C2orf76: variants seen among roughly 807,000 people sequenced by gnomAD.
C2orf76 encodes UPF0538 protein C2orf76.
Under a neutral mutation model 16.9 loss-of-function variants are expected in C2orf76, and 23 were observed. That is an observed-to-expected ratio of 1.36 (90% CI 0.98 to 1.93). The LOEUF (loss-of-function observed/expected upper bound fraction) is 1.93, where lower values mean the gene tolerates loss of function less well. Ranked by LOEUF, C2orf76 falls within the 30% of genes most tolerant of loss-of-function variation. The probability of loss-of-function intolerance (pLI) is 0.00; values close to 1 mark genes in which losing one functional copy is unlikely to be tolerated. For synonymous variants in C2orf76, 48 were observed against 52.3 expected, an observed-to-expected ratio of 0.92 and a Z score of 0.35; for missense variants, 152 against 152.6, an observed-to-expected ratio of 1.00 and a Z score of 0.02.
intron 2 of C2orf76, among the ~76,000 whole-genome samples, chr2:119,332,409 A>T (rs2104587638): frequency 6.6e-6 from 1 of 152,324 alleles, no homozygotes; most frequent in South Asian, 2.1e-4. Flanking sequence ...TGATGGTAAG[A>T]TTCAAAGGTT....
At chr2:119,364,196 G>A (rs992316561) in intron 1 of C2orf76, among the ~76,000 whole-genome samples, 2 of 152,166 alleles carry the variant, frequency 1.3e-5, no homozygotes, top group Admixed American at 6.5e-5. Context: ...AGTGAAGCCT[G>A]TGGCAGACAA....
chr2:119,304,554 T>G (rs548446743), intron 5 of C2orf76, among the ~76,000 whole-genome samples: 1 of 152,334 alleles, frequency 6.6e-6, no homozygotes, highest in African/African-American at 2.4e-5. Context: ...GAGTCTGCAG[T>G]GTAAAGATTT....
chr2:119,307,316 T>G (rs968767593), intron 5 of C2orf76, among the ~76,000 whole-genome samples: 1 of 152,014 alleles, frequency 6.6e-6, no homozygotes, highest in African/African-American at 2.4e-5. Context: ...GGCACATGCC[T>G]GTAATCCCAG....
Position 119,325,595 on chromosome 2 carries a change from G to A in C2orf76, c.134-4391C>T, listed in dbSNP as rs533450295. Among the ~76,000 whole-genome samples, 11 of 152,202 alleles carry A rather than the reference G, an allele frequency of 7.2e-5. No individual in the cohort carries two copies. The South Asian group carries it at 2.3e-3, about 32-fold the overall frequency. On this transcript the variant is annotated intron_variant, in intron 2 of 5. Coordinates refer to ENST00000334816, the MANE Select transcript of C2orf76 (RefSeq NM_001322331.2). ...TTGCACCACTGCACTCTAGCCTAGG[G>A]GAGACAGAGCAACACTGCCTCCAAA...
At chr2:119,303,814 A>G (rs1320574903) in intron 5 of C2orf76, among the ~76,000 whole-genome samples, 3 of 152,252 alleles carry the variant, frequency 2.0e-5, no homozygotes, top group Non-Finnish European at 4.4e-5. Context: ...CCAGTCCTCT[A>G]CTATATCTTC....
the C2orf76 span, among the ~76,000 whole-genome samples, chr2:119,288,767 T>C: frequency 2.0e-5 from 3 of 151,910 alleles, no homozygotes; most frequent in East Asian, 5.8e-4. Flanking sequence ...GGCCAGAGAC[T>C]GGAGAGGAGG....
At chr2:119,305,935 AC>A (rs1362615251) in intron 5 of C2orf76, among the ~76,000 whole-genome samples, 3 of 101,850 alleles carry the variant, frequency 2.9e-5, no homozygotes, top group African/African-American at 6.5e-5. Context: ...AAAAAAAAAA[AC>A]AACAACAAAA....
At position 119,317,621 on chromosome 2, in the gene C2orf76, C is replaced by T. The variant is rs116716319; in HGVS notation, c.185-118G>A. On this transcript the variant is annotated intron_variant, in intron 3 of 5. Transcript: ENST00000334816. Reference sequence around the variant, plus strand: ...GAAATGTAAGTCCTTGTTTTATAACCAGACTCATTTAGAAATATACTATAC... The same window carrying T: ...GAAATGTAAGTCCTTGTTTTATAACTAGACTCATTTAGAAATATACTATAC... 7.0e-3 allele frequency: 4,772 copies of T among 685,406 alleles called. 31 individuals carry two copies. Among genetic ancestry groups the T allele is most frequent in the Middle Eastern group, 0.019 (68 of 3,516 alleles). The allele number at this position is 685,406 out of a possible 1,614,324, so 42.5% of individuals were successfully genotyped here.
intron 2 of C2orf76, among the ~76,000 whole-genome samples, chr2:119,321,419 TA>T (rs920234128): frequency 1.3e-5 from 2 of 151,924 alleles, no homozygotes; most frequent in Admixed American, 6.6e-5. Flanking sequence ...GGTAATCTAT[TA>T]AAAAAAATGT....
At chr2:119,291,176 C>T in the C2orf76 span, among the ~76,000 whole-genome samples, 1 of 151,956 alleles carries the variant, frequency 6.6e-6, no homozygotes, top group African/African-American at 2.4e-5. Context: ...GGTGTCATAC[C>T]GAGGAGAAGC....
intron 5 of C2orf76, 170 bp downstream of exon 5, chr2:119,311,452 G>T: frequency 1.0e-6 from 1 of 985,432 alleles, no homozygotes; most frequent in Non-Finnish European, 1.2e-6. Context: ...TCAGCCAAGA[G>T]ATCGGAATGC....
chr2:119,366,845 G>A, upstream of C2orf76: 2 of 645,908 alleles, frequency 3.1e-6, no homozygotes, highest in African/African-American at 1.9e-5. Context: ...GGTCCCACGT[G>A]GGCTCGGGCG....
the C2orf76 span, among the ~76,000 whole-genome samples, chr2:119,283,934 G>C: frequency 2.0e-5 from 3 of 152,180 alleles, no homozygotes; most frequent in African/African-American, 7.2e-5. Flanking sequence ...GAGCACACAA[G>C]CAAGTCCCAT....
At chr2:119,325,321 G>A (rs1446135574) in intron 2 of C2orf76, among the ~76,000 whole-genome samples, 1 of 151,922 alleles carries the variant, frequency 6.6e-6, no homozygotes, top group Non-Finnish European at 1.5e-5. Flanking sequence ...TTAGCCAGGC[G>A]TGGTGGCGGG....
In C2orf76 at chr2:119,302,227, A is replaced by T. The variant is rs1380042070; in HGVS notation, c.*245T>A. On this transcript the variant is annotated 3_prime_UTR_variant, in exon 6 of 6. Coordinates refer to ENST00000334816, the MANE Select transcript of C2orf76 (RefSeq NM_001322331.2). The stretch of plus-strand genomic sequence containing the variant: ...ATTTAAGAATCAATATTCCACAATA[A>T]TTTTTAATAACAATTTATTTCCCTT... The T allele has an allele frequency of 3.2e-6, 1 of 309,202 alleles. No homozygotes were observed. The highest frequency in any genetic ancestry group is 2.2e-5 in the African/African-American group (1 of 46,424). 19.2% of individuals were successfully genotyped at this position (309,202 alleles called of 1,614,324 possible).
chr2:119,352,390 G>C (rs918037146), intron 1 of C2orf76, among the ~76,000 whole-genome samples: 3 of 152,218 alleles, frequency 2.0e-5, no homozygotes, highest in Admixed American at 1.3e-4. Flanking sequence ...GCCTAAAGCT[G>C]CCTCCACAGG....
chr2:119,292,760 T>C, the C2orf76 span, among the ~76,000 whole-genome samples: 9 of 152,224 alleles, frequency 5.9e-5, no homozygotes, highest in South Asian at 2.1e-4. Context: ...TTAGGCCAGG[T>C]GCGGTGGCTC....
chr2:119,354,309 T>C (rs769458806), intron 1 of C2orf76, among the ~76,000 whole-genome samples: 7 of 152,156 alleles, frequency 4.6e-5, no homozygotes, highest in Non-Finnish European at 8.8e-5. Flanking sequence ...TCACTTGAGG[T>C]CAGGAGTTCG....
intron 1 of C2orf76, among the ~76,000 whole-genome samples, chr2:119,361,781 A>T (rs982217581): frequency 3.3e-5 from 5 of 152,178 alleles, no homozygotes; most frequent in Admixed American, 2.6e-4. Context: ...TCTGAGGATA[A>T]GGAGGGACTA....
Sources: allele counts gnomAD v4.1 joint callset (sites outside exome capture counted in the v4.1 genomes callset), GRCh38; gene constraint gnomAD v4.1.1; transcripts MANE v1.5; gene names NCBI Gene and HGNC (gene_info 2026-07-23, HGNC 2026-07-21).